Variants in GRID2IP observed in about 807,000 individuals in gnomAD.
The protein encoded by GRID2IP is delphilin.
GRID2IP carries 78 observed loss-of-function variants against 114.3 expected under a neutral mutation model. That is an observed-to-expected ratio of 0.68 (90% CI 0.57 to 0.82). GRID2IP has a LOEUF of 0.82. Ranked by LOEUF, GRID2IP falls within the 40% of genes least tolerant of loss-of-function variation. GRID2IP has a pLI of 0.00. For missense variants in GRID2IP, 1,727 were observed against 1,678.5 expected (o/e 1.03, Z -0.51); for synonymous variants, 809 against 724.0 (o/e 1.12, Z -1.89).
rs1167651181 is a variant in GRID2IP, at chr7:6,521,648, C to T, written c.990-125G>A. 1.4e-6 allele frequency: 1 copy of T among 719,388 alleles called. No individual in the cohort carries two copies. The highest frequency in any genetic ancestry group is 2.3e-6 in the Non-Finnish European group (1 of 429,454). 44.6% of individuals were successfully genotyped at this position (719,388 alleles called of 1,614,324 possible). ...AGACCACCTCTGTGTGACTCTGTGTCCCCAGCATGGAGCTGGAGTATTTTC... is the reference window on the plus strand; with the variant it reads ...AGACCACCTCTGTGTGACTCTGTGTTCCCAGCATGGAGCTGGAGTATTTTC... On this transcript the variant is annotated intron_variant, in intron 5 of 21. Transcript: ENST00000457091. This position sits in a 1 kb window ranked among gnomAD's most constrained non-coding sequence, Gnocchi z 4.1.
intron 14 of GRID2IP, 95 bp from the exon 15 acceptor site, chr7:6,504,965 C>T: frequency 1.1e-6 from 1 of 943,970 alleles, no homozygotes. Flanking sequence ...AGCCACTATC[C>T]CCCTAAGCAC....
intron 7 of GRID2IP, 39 bp from the exon 8 acceptor site, chr7:6,514,568 G>C (rs367991065): frequency 6.9e-7 from 1 of 1,456,468 alleles, no homozygotes; most frequent in Non-Finnish European, 9.1e-7. Context: ...CAATACTCAC[G>C]GGCTTACCAT....
chr7:6,515,040 T>A (rs552455420), intron 7 of GRID2IP, among the ~76,000 whole-genome samples: 1 of 151,762 alleles, frequency 6.6e-6, no homozygotes, highest in South Asian at 2.1e-4. Flanking sequence ...GACTCCAATC[T>A]CAGCTCTGCC....
chr7:6,503,932 G>C (rs1222739421), intron 15 of GRID2IP, among the ~76,000 whole-genome samples: 1 of 151,308 alleles, frequency 6.6e-6, no homozygotes, highest in East Asian at 2.0e-4. Flanking sequence ...GAAGAAAAAA[G>C]GAAAGGGGGC....
chr7:6,536,471 G>A lies in GRID2IP; in HGVS notation c.584+3247C>T, dbSNP rs971250621. Among the ~76,000 whole-genome samples the A allele has an allele frequency of 2.0e-5, 3 of 152,216 alleles. No individual in the cohort carries two copies. The highest frequency in any genetic ancestry group is 6.5e-5 in the Admixed American group (1 of 15,290). On this transcript the variant is annotated intron_variant, in intron 2 of 21. Transcript: ENST00000457091. The surrounding 1 kb of genome is among the most constrained non-coding windows in gnomAD (Gnocchi z 5.3). ...TGCCGGCGGCTTGGGGACCAGCGGC[G>A]GCTGGGAAAGGCGGGCATGGGGCTG...
In GRID2IP at chr7:6,516,206, G is replaced by T. The variant is rs1215337954; in HGVS notation, c.1269-1677C>A. On this transcript the variant is annotated intron_variant, in intron 7 of 21. Coordinates refer to ENST00000457091, the MANE Select transcript of GRID2IP (RefSeq NM_001145118.2). The surrounding 1 kb of genome is among the most constrained non-coding windows in gnomAD (Gnocchi z 4.3). ...TTAAAATTTCAAAAGCCAAAACTGT[G>T]GGCGGCAAGCCACCCAGATGCCAAG... is the stretch of plus-strand genomic sequence containing the variant. 6.6e-6 allele frequency among the ~76,000 whole-genome samples: 1 copy of T among 151,802 alleles called. No homozygotes were observed. Among genetic ancestry groups the T allele is most frequent in the Non-Finnish European group, 1.5e-5 (1 of 67,982 alleles).
intron 20 of GRID2IP, among the ~76,000 whole-genome samples, chr7:6,499,840 T>C (rs1396986057): frequency 1.3e-5 from 2 of 151,278 alleles, no homozygotes; most frequent in Middle Eastern, 3.5e-3. Flanking sequence ...AGTGATCCTC[T>C]AGCCTCAGCC....
rs1341257622 is a variant in GRID2IP at position 6,551,424 on chromosome 7, C to T, written c.13G>A (p.Ala5Thr). Residue 5 changes from alanine (A) to threonine (T), a missense_variant, in exon 1 of 22, where the codon GCC becomes ACC. Transcript: ENST00000457091. The part of the protein sequence containing the change: MATT[A>T]TPATNQGWPE... ...CAGCCCTGGTTCGTGGCCGGCGTGGCAGTGGTGGCCATGCACCTAGAACTG... is the reference window on the plus strand; with the variant it reads ...CAGCCCTGGTTCGTGGCCGGCGTGGTAGTGGTGGCCATGCACCTAGAACTG... The T allele has an allele frequency of 1.9e-6, 3 of 1,543,628 alleles. No homozygotes were observed. The highest frequency in any genetic ancestry group is 2.5e-5 in the East Asian group (1 of 40,384).
Position 6,551,204 on chromosome 7 carries a change from C to G in GRID2IP, c.233G>C (p.Ser78Thr), listed in dbSNP as rs1380981918. 17 of 1,467,782 alleles carry G rather than the reference C, an allele frequency of 1.2e-5. No individual in the cohort carries two copies. The highest frequency in any genetic ancestry group is 2.6e-5 in the South Asian group (2 of 75,994). The allele number at this position is 1,467,782 out of a possible 1,614,324, so 90.9% of individuals were successfully genotyped here. Residue 78 changes from serine to threonine, a missense_variant, in exon 1 of 22, where the codon AGT (serine) becomes ACT (threonine). Coordinates refer to ENST00000457091, the MANE Select transcript of GRID2IP (RefSeq NM_001145118.2). ...LARRCPRVPP[S>T]LGVLPAPDGG... ...GTCGGGAGCCGGGAGCACGCCCAGA[C>G]TGGGCGGCACACGTGGGCAGCGCCG...
In GRID2IP at chr7:6,546,238, A is replaced by ACCT. The variant is rs1482845827; in HGVS notation, c.429+4767_429+4769dup. ...TTTGGAAGGCAGAGGCAGGTGGATC[A>ACCT]CCTGAGGTCAGGAGTTTGCGACTAG... is the stretch of plus-strand genomic sequence containing the variant. On this transcript the variant is annotated intron_variant, in intron 1 of 21. Transcript: ENST00000457091. Among the ~76,000 whole-genome samples, 3 of 150,838 alleles carry ACCT rather than the reference A, an allele frequency of 2.0e-5. No individual in the cohort carries two copies. The East Asian group carries it at 6.2e-4, about 31-fold the overall frequency.
chr7:6,547,233 G>A (rs928416872), intron 1 of GRID2IP, among the ~76,000 whole-genome samples: 2 of 152,134 alleles, frequency 1.3e-5, no homozygotes, highest in Admixed American at 1.3e-4. Context: ...CTTCTGTAGT[G>A]CAAACGCACT....
At position 6,526,276 on chromosome 7, in the gene GRID2IP, G is replaced by C. The variant is rs749440816; in HGVS notation, c.867C>G (p.Phe289Leu). ...TVRVYKGNKS[F>L]GFTLRGHGPV... ...GCCCGTGGCCGCGAAGTGTGAAGCC[G>C]AAGCTCTTGTTGCCTTTGTAGACTC... The change falls in exon 4 of 22, where the codon TTC becomes TTG. Residue 289 changes from phenylalanine to leucine, a missense_variant. Coordinates refer to ENST00000457091, the MANE Select transcript of GRID2IP (RefSeq NM_001145118.2). The surrounding 1 kb of genome is among the most constrained non-coding windows in gnomAD (Gnocchi z 7.6). The C allele has an allele frequency of 6.4e-7, 1 of 1,552,040 alleles. No individual in the cohort carries two copies. Among genetic ancestry groups the C allele is most frequent in the Admixed American group, 2.0e-5 (1 of 51,000 alleles).
intron 1 of GRID2IP, among the ~76,000 whole-genome samples, chr7:6,546,660 G>A (rs996384524): frequency 2.6e-5 from 4 of 151,726 alleles, no homozygotes; most frequent in Middle Eastern, 6.4e-3. Context: ...TTCACTCTCA[G>A]CTTTTGTGGG....
rs1366413255 is a variant in GRID2IP, at chr7:6,508,064, C to T, written c.2465G>A (p.Arg822His). ...PMLSRGLGHR[R>H]SETSHMSVKR... Reference sequence around the variant, plus strand: ...GACGCTCATGTGGCTGGTCTCACTGCGCCGGTGGCCCAGGCCCCGGGACAG... The same window carrying T: ...GACGCTCATGTGGCTGGTCTCACTGTGCCGGTGGCCCAGGCCCCGGGACAG... The change falls in exon 13 of 22, where the codon CGC (arginine) becomes CAC (histidine). Residue 822 changes from arginine (R) to histidine (H), a missense_variant. Physicochemically the swap from Arg to His is conservative, Grantham distance 29. Transcript: ENST00000457091. The surrounding 1 kb of genome is among the most constrained non-coding windows in gnomAD (Gnocchi z 5.6). 65 of 1,545,574 alleles carry T rather than the reference C, an allele frequency of 4.2e-5. 1 individual carries two copies. Among genetic ancestry groups the T allele is most frequent in the South Asian group, 9.5e-5 (8 of 83,784 alleles).
rs1472298274 is a variant in GRID2IP, at chr7:6,532,266, C to T, written c.585-5497G>A. ...TCAAGGCACATCCTGGGGAGGGGCT[C>T]TTCAGGGGCACCCCCAACCAGAACA... On this transcript the variant is annotated intron_variant, in intron 2 of 21. Coordinates refer to ENST00000457091, the MANE Select transcript of GRID2IP (RefSeq NM_001145118.2). The surrounding 1 kb of genome is among the most constrained non-coding windows in gnomAD (Gnocchi z 4.4). Among the ~76,000 whole-genome samples, 1 of 152,126 alleles carries T rather than the reference C, an allele frequency of 6.6e-6. No homozygotes were observed. The highest frequency in any genetic ancestry group is 2.4e-5 in the African/African-American group (1 of 41,446).
Position 6,502,053 on chromosome 7 carries a change from G to A in GRID2IP, c.3216C>T (p.Ser1072=). The change falls in exon 19 of 22, where the codon AGC becomes AGT. Residue 1072 remains serine (S), a synonymous_variant. Coordinates refer to ENST00000457091, the MANE Select transcript of GRID2IP (RefSeq NM_001145118.2). ...AGCCCAGGAGTTCAGGGAAGTGCTG[G>A]CTCAGCGATTTGGCAAGGATGTGCA... ...TFLHILAKSL[S]QHFPELLGFA... 1 of 1,551,446 alleles carries A rather than the reference G, an allele frequency of 6.4e-7. No homozygotes were observed. Among genetic ancestry groups the A allele is most frequent in the Non-Finnish European group, 8.7e-7 (1 of 1,146,936 alleles).
At position 6,544,074 on chromosome 7, in the gene GRID2IP, C is replaced by T. The variant is rs1413864556; in HGVS notation, c.430-4202G>A. On this transcript the variant is annotated intron_variant, in intron 1 of 21. Transcript: ENST00000457091. ...GGCCTCCCAAAGTGTTGGAATTACA[C>T]GTCTGAGCCATCGTGCCTGGCCTGT... is the stretch of plus-strand genomic sequence containing the variant. Among the ~76,000 whole-genome samples the T allele has an allele frequency of 3.3e-5, 5 of 151,628 alleles. No homozygotes were observed. The East Asian group carries it at 7.8e-4, about 24-fold the overall frequency.
chr7:6,526,555 C>G lies in GRID2IP; in HGVS notation c.799G>C (p.Val267Leu). The G allele has an allele frequency of 8.2e-7, 1 of 1,218,842 alleles. No homozygotes were observed. Among genetic ancestry groups the G allele is most frequent in the Non-Finnish European group, 1.0e-6 (1 of 979,940 alleles). 75.5% of individuals were successfully genotyped at this position (1,218,842 alleles called of 1,614,324 possible). A position where few individuals can be genotyped will look rare whatever the true frequency, so the allele number is the denominator to read the frequency against. Residue 267 changes from valine (V) to leucine (L), a missense_variant, in exon 3 of 22, where the codon GTG becomes CTG. Val to Leu is a conservative substitution (Grantham distance 32, BLOSUM62 1). Transcript: ENST00000457091. The surrounding 1 kb of genome is among the most constrained non-coding windows in gnomAD (Gnocchi z 7.6). ...CCCCCGGGGCCGGCGAGGCCGCCCA[C>G]CAGCAAGGAGGCCCTGCGCGGGGGC... is the stretch of plus-strand genomic sequence containing the variant. ...EPPPRRASLLVGGLAGPGGAR... is the reference protein window; with the variant it reads ...EPPPRRASLLLGGLAGPGGAR...
At chr7:6,504,708 C>T in intron 15 of GRID2IP, 85 bp downstream of exon 15, 1 of 1,065,052 alleles carries the variant, frequency 9.4e-7, no homozygotes, top group Non-Finnish European at 1.4e-6. Context: ...CGCCTAATCT[C>T]TGTCATCCAC....
Sources: gnomAD v4.1 joint callset for allele counts (sites outside exome capture counted in the v4.1 genomes callset) on GRCh38, gnomAD v4.1.1 for gene constraint, Gnocchi (gnomAD v3.1) non-coding constraint, MANE v1.5 for transcripts, NCBI Gene and HGNC (gene_info 2026-07-23, HGNC 2026-07-21) for gene names.